TRPM2: variants seen among roughly 807,000 people sequenced by gnomAD.
TRPM2 encodes the protein estrogen-responsive element-associated gene 1 protein.
Under a neutral mutation model 174.0 loss-of-function variants are expected in TRPM2, and 161 were observed. The ratio of observed to expected loss-of-function variants is 0.93; its 90% CI spans 0.81 to 1.05. TRPM2 has a LOEUF of 1.05. TRPM2 is among the 50% of genes least tolerant of loss of function. The pLI is 0.00. For missense variants in TRPM2, 2,057 were observed against 2,038.0 expected, an observed-to-expected ratio of 1.01 and a Z score of -0.18; for synonymous variants, 954 against 861.3, an observed-to-expected ratio of 1.11 and a Z score of -1.88.
chr21:44,430,335 G>A (rs2050977204), intron 27 of TRPM2, among the ~76,000 whole-genome samples: 1 of 151,994 alleles, frequency 6.6e-6, no homozygotes, highest in Non-Finnish European at 1.5e-5. Flanking sequence ...GTATGAGGTG[G>A]AGATAATTAT....
chr21:44,400,430 C>G lies in TRPM2; in HGVS notation c.2321+59C>G, dbSNP rs28591178. ...GGCTGCGGGGCTGCGGGAGAGGCTCCTGGGGGCTCAGGATCTTCCCTAGAT... is the reference window on the plus strand; with the variant it reads ...GGCTGCGGGGCTGCGGGAGAGGCTCGTGGGGGCTCAGGATCTTCCCTAGAT... On this transcript the variant is annotated intron_variant, in intron 15 of 31. Coordinates refer to ENST00000397928, the MANE Select transcript of TRPM2 (RefSeq NM_003307.4). 14,296 of 1,463,198 alleles carry G rather than the reference C, an allele frequency of 9.8e-3. 650 individuals carry two copies. In the African/African-American group the frequency reaches 0.12, roughly 12 times the overall value. 90.6% of individuals were successfully genotyped at this position (1,463,198 alleles called of 1,614,324 possible). A position where few individuals can be genotyped will look rare whatever the true frequency, so the allele number is the denominator to read the frequency against.
chr21:44,416,518 C>T (rs116698787), intron 20 of TRPM2: 1,757 of 160,596 alleles, frequency 0.011, 37 homozygotes, highest in African/African-American at 0.039. Context: ...CTCTTGTGCT[C>T]GTCAGAATCC....
chr21:44,397,741 C>T lies in TRPM2; in HGVS notation c.1933-6C>T. The T allele has an allele frequency of 6.4e-6, 10 of 1,568,178 alleles. No individual in the cohort carries two copies. In the South Asian group the frequency reaches 7.1e-5, roughly 11 times the overall value. ...TTAGTCTCACGGTGGCTCCTCTGGT[C>T]CCCAGAGCCAGGACTGCATCGCAGC... is the stretch of plus-strand genomic sequence containing the variant. On this transcript the variant is annotated splice_polypyrimidine_tract_variant and splice_region_variant and intron_variant, in intron 12 of 31. Transcript: ENST00000397928.
intron 28 of TRPM2, among the ~76,000 whole-genome samples, chr21:44,436,445 A>C (rs1042992225): frequency 6.6e-6 from 1 of 151,804 alleles, no homozygotes; most frequent in African/African-American, 2.4e-5. Context: ...TCTGCTCCCC[A>C]GTCCTTTGGC....
chr21:44,365,600 C>T (rs1437614717), intron 3 of TRPM2, among the ~76,000 whole-genome samples: 1 of 152,180 alleles, frequency 6.6e-6, no homozygotes, highest in African/African-American at 2.4e-5. Context: ...TCTGATGCCA[C>T]CGTGGCCGTG....
Position 44,395,528 on chromosome 21 carries a change from C to G in TRPM2, c.1909C>G (p.Leu637Val). The part of the protein sequence containing the change: ...IWAIVQNRRE[L>V]AGIIWAQSQD... ...GGCCATTGTCCAGAACCGTCGGGAG[C>G]TGGCAGGAATCATCTGGGCTCAGGT... is the stretch of plus-strand genomic sequence containing the variant. Residue 637 changes from leucine (L) to valine (V), a missense_variant, in exon 12 of 32, where the codon CTG becomes GTG. Coordinates refer to ENST00000397928, the MANE Select transcript of TRPM2 (RefSeq NM_003307.4). 1 of 1,613,052 alleles carries G rather than the reference C, an allele frequency of 6.2e-7. No individual in the cohort carries two copies. The highest frequency in any genetic ancestry group is 1.1e-5 in the South Asian group (1 of 91,080).
intron 19 of TRPM2, 38 bp downstream of exon 19, chr21:44,406,803 C>G (rs770504952): frequency 6.4e-7 from 1 of 1,568,630 alleles, no homozygotes; most frequent in Non-Finnish European, 8.6e-7. Context: ...GGTGGTGCTG[C>G]CGGGAAGCAG....
At chr21:44,379,903 C>T (rs1311520133) in intron 8 of TRPM2, among the ~76,000 whole-genome samples, 4 of 152,200 alleles carry the variant, frequency 2.6e-5, no homozygotes, top group East Asian at 1.9e-4. Flanking sequence ...AAGCCAGGGC[C>T]GGCAGAGCCC....
chr21:44,406,644 C>T lies in TRPM2; in HGVS notation c.2841C>T (p.Ser947=). 1 of 1,610,828 alleles carries T rather than the reference C, an allele frequency of 6.2e-7. No homozygotes were observed. Among genetic ancestry groups the T allele is most frequent in the South Asian group, 1.1e-5 (1 of 91,002 alleles). The change falls in exon 19 of 32, where the codon TCC becomes TCT. Residue 947 remains serine, a synonymous_variant. Coordinates refer to ENST00000397928, the MANE Select transcript of TRPM2 (RefSeq NM_003307.4). The part of the protein sequence containing the change: ...FLFLLAVWVV[S]FGVAKQAILI... ...TCCTGCTGGCTGTGTGGGTGGTGTC[C>T]TTCGGGGTGGCCAAGCAGGCCATCC...
At chr21:44,426,761 T>A in intron 26 of TRPM2, 25 bp downstream of exon 26, 1 of 1,612,748 alleles carries the variant, frequency 6.2e-7, no homozygotes, top group Non-Finnish European at 8.5e-7. Flanking sequence ...CTGTCCGTGC[T>A]CCCAGCTGGC....
At chr21:44,406,084 T>A (rs1298005608) in intron 18 of TRPM2, 47 bp downstream of exon 18, 1 of 1,594,970 alleles carries the variant, frequency 6.3e-7, no homozygotes, top group Admixed American at 1.7e-5. Context: ...CAGCCCAGGG[T>A]GGGCCTCGGG....
At chr21:44,418,586 G>T in intron 22 of TRPM2, 31 bp downstream of exon 22, 1 of 1,612,564 alleles carries the variant, frequency 6.2e-7, no homozygotes, top group Non-Finnish European at 8.5e-7. Context: ...CTGGGGGCGG[G>T]AAGCCTCTGG....
At position 44,354,583 on chromosome 21, in the gene TRPM2, C is replaced by T. The variant is rs1292720251; in HGVS notation, c.166-65C>T. 2.8e-6 allele frequency: 4 copies of T among 1,445,236 alleles called. No individual in the cohort carries two copies. Among genetic ancestry groups the T allele is most frequent in the Non-Finnish European group, 3.9e-6 (4 of 1,026,706 alleles). The allele number at this position is 1,445,236 out of a possible 1,614,324, so 89.5% of individuals were successfully genotyped here. A position where few individuals can be genotyped will look rare whatever the true frequency, so the allele number is the denominator to read the frequency against. ...AGCTCCTCAAGGAGCTCAGATGTGT[C>T]TCCAGGGGGCTGGGTGTGCTCTTTC... On this transcript the variant is annotated intron_variant, in intron 1 of 31. Transcript: ENST00000397928. This position sits in a 1 kb window ranked among gnomAD's most constrained non-coding sequence, Gnocchi z 4.3.
Position 44,432,617 on chromosome 21 carries a change from C to T in TRPM2, c.3975-2514C>T, listed in dbSNP as rs1342092640. On this transcript the variant is annotated intron_variant, in intron 27 of 31. Coordinates refer to ENST00000397928, the MANE Select transcript of TRPM2 (RefSeq NM_003307.4). The surrounding 1 kb of genome is among the most constrained non-coding windows in gnomAD (Gnocchi z 4.9). ...CCTCCTGCACCCGGGTCCTCCTGCC[C>T]TCTTGCATTGCTCCTGCCAACATAA... Among the ~76,000 whole-genome samples, 1 of 152,202 alleles carries T rather than the reference C, an allele frequency of 6.6e-6. No homozygotes were observed. The highest frequency in any genetic ancestry group is 1.5e-5 in the Non-Finnish European group (1 of 68,040).
chr21:44,354,309 C>T lies in TRPM2; in HGVS notation c.166-339C>T, dbSNP rs574082980. The stretch of plus-strand genomic sequence containing the variant: ...GGCAGGAGGGTGGCTGCCCTTTTTC[C>T]GATGGTGCAAGATCCAGGTCCCCAG... On this transcript the variant is annotated intron_variant, in intron 1 of 31. Transcript: ENST00000397928. This position sits in a 1 kb window ranked among gnomAD's most constrained non-coding sequence, Gnocchi z 4.3. Among the ~76,000 whole-genome samples the T allele has an allele frequency of 7.2e-5, 11 of 152,234 alleles. No homozygotes were observed. Among genetic ancestry groups the T allele is most frequent in the South Asian group, 4.2e-4 (2 of 4,818 alleles).
rs756666439 is a variant in TRPM2, at chr21:44,425,813, A to C, written c.3781A>C (p.Lys1261Gln). Residue 1261 changes from lysine (K) to glutamine (Q), a missense_variant, in exon 25 of 32, where the codon AAG becomes CAG. Lys to Gln is a moderately conservative substitution (Grantham distance 53). Transcript: ENST00000397928. ...CACGCGCTTCCCCGTGCCCAACGAGAAGGTGCCCTGGGAGGTGAGCGCCTG... is the reference window on the plus strand; with the variant it reads ...CACGCGCTTCCCCGTGCCCAACGAGCAGGTGCCCTGGGAGGTGAGCGCCTG... ...PVTRFPVPNEKVPWETEFLIY... is the reference protein window; with the variant it reads ...PVTRFPVPNEQVPWETEFLIY... The C allele has an allele frequency of 1.9e-6, 3 of 1,575,800 alleles. No individual in the cohort carries two copies. The Admixed American group carries it at 5.2e-5, about 27-fold the overall frequency.
At chr21:44,408,654 CTTT>C (rs34026339) in intron 19 of TRPM2, among the ~76,000 whole-genome samples, 1,648 of 102,686 alleles carry the variant, frequency 0.016, 36 homozygotes, top group African/African-American at 0.055. Flanking sequence ...CTCCTTTGCC[CTTT>C]TTTTTTTTTT....
Position 44,379,049 on chromosome 21 carries a change from C to G in TRPM2, c.1067C>G (p.Ser356Trp). 6.2e-7 allele frequency: 1 copy of G among 1,611,036 alleles called. No individual in the cohort carries two copies. Among genetic ancestry groups the G allele is most frequent in the Non-Finnish European group, 8.5e-7 (1 of 1,180,008 alleles). The stretch of plus-strand genomic sequence containing the variant: ...ACCCCCTGTGTGGTTGTGGAGGGCT[C>G]GGGCCGCGTGGCCGACGTCATTGCC... ...NGTPCVVVEG[S>W]GRVADVIAQV... Residue 356 changes from serine to tryptophan, a missense_variant, in exon 8 of 32, where the codon TCG becomes TGG. By Grantham distance (177) the Ser-to-Trp change is radical. Coordinates refer to ENST00000397928, the MANE Select transcript of TRPM2 (RefSeq NM_003307.4).
Position 44,366,849 on chromosome 21 carries a change from G to A in TRPM2, c.519G>A (p.Val173=), listed in dbSNP as rs762722239. The A allele has an allele frequency of 3.1e-6, 5 of 1,613,842 alleles. No individual in the cohort carries two copies. The South Asian group carries it at 5.5e-5, about 18-fold the overall frequency. ...ACGTCCCCAATCTCTTGATCTCGGT[G>A]ACCGGGGGGGCCAAGAACTTCAACA... ...GLDVPNLLIS[V]TGGAKNFNMK... Residue 173 remains valine, a synonymous_variant, in exon 4 of 32, where the codon GTG becomes GTA. Transcript: ENST00000397928. This position sits in a 1 kb window ranked among gnomAD's most constrained non-coding sequence, Gnocchi z 6.0.
Sources: allele counts gnomAD v4.1 joint callset (sites outside exome capture counted in the v4.1 genomes callset), GRCh38; gene constraint gnomAD v4.1.1; non-coding constraint Gnocchi (gnomAD v3.1); transcripts MANE v1.5; gene names NCBI Gene and HGNC (gene_info 2026-07-23, HGNC 2026-07-21).